SYNGR1: variants seen among roughly 807,000 people sequenced by gnomAD.
SYNGR1 encodes the protein synaptogyrin-1.
A neutral mutation model predicts 26.1 loss-of-function variants in SYNGR1; 14 were observed. That is an observed-to-expected ratio of 0.54 (90% CI 0.35 to 0.84). SYNGR1 has a LOEUF of 0.84. Ranked by LOEUF, SYNGR1 falls within the 40% of genes least tolerant of loss-of-function variation. The pLI, the probability that SYNGR1 is intolerant of heterozygous loss-of-function variation, is 0.01. For missense variants in SYNGR1, 319 were observed against 332.9 expected, an observed-to-expected ratio of 0.96 and a Z score of 0.33; for synonymous variants, 141 against 150.1, an observed-to-expected ratio of 0.94 and a Z score of 0.44.
At chr22:39,353,444 G>C (rs1924007116) in intron 1 of SYNGR1, among the ~76,000 whole-genome samples, 4 of 152,254 alleles carry the variant, frequency 2.6e-5, no homozygotes, top group Admixed American at 2.6e-4. Flanking sequence ...CTTGTGAGCA[G>C]CTGGGACGAT....
intron 1 of SYNGR1, among the ~76,000 whole-genome samples, chr22:39,358,975 C>T (rs1473118274): frequency 6.6e-6 from 1 of 152,240 alleles, no homozygotes; most frequent in Admixed American, 6.5e-5. Context: ...AGCTGTCAAA[C>T]CCAAGCTGCA....
intron 1 of SYNGR1, among the ~76,000 whole-genome samples, chr22:39,354,676 C>G (rs1185333812): frequency 2.6e-5 from 4 of 152,148 alleles, no homozygotes; most frequent in African/African-American, 9.7e-5. Flanking sequence ...CCCATCTCTA[C>G]TAAAATACAA....
Position 39,350,662 on chromosome 22 carries a change from G to C in SYNGR1, c.99+553G>C, listed in dbSNP as rs1277690318. ...AGTACCTCTCTTCCACCCGGGAACTGCCTCTCCTTCTCTGCGTGACCTTGG... is the reference window on the plus strand; with the variant it reads ...AGTACCTCTCTTCCACCCGGGAACTCCCTCTCCTTCTCTGCGTGACCTTGG... On this transcript the variant is annotated intron_variant, in intron 1 of 3. Transcript: ENST00000328933. This position sits in a 1 kb window ranked among gnomAD's most constrained non-coding sequence, Gnocchi z 4.3. Among the ~76,000 whole-genome samples the C allele has an allele frequency of 6.6e-6, 1 of 152,214 alleles. No homozygotes were observed. The highest frequency in any genetic ancestry group is 1.5e-5 in the Non-Finnish European group (1 of 68,028).
At chr22:39,369,669 G>A (rs1424331952) in intron 1 of SYNGR1, among the ~76,000 whole-genome samples, 2 of 152,222 alleles carry the variant, frequency 1.3e-5, no homozygotes, top group Non-Finnish European at 2.9e-5. Context: ...CTCTTTCTGA[G>A]CCTTAGTTTT....
chr22:39,369,315 CAG>C (rs1924912891), intron 1 of SYNGR1, among the ~76,000 whole-genome samples: 1 of 150,776 alleles, frequency 6.6e-6, no homozygotes. Context: ...TCCCAGTGTT[CAG>C]AGTCTGCCTT....
At chr22:39,381,506 G>A (rs918930740) in intron 3 of SYNGR1, among the ~76,000 whole-genome samples, 190 bp from the exon 4 acceptor site, 21 of 152,086 alleles carry the variant, frequency 1.4e-4, no homozygotes, top group African/African-American at 4.3e-4. Context: ...GGGCATTTCC[G>A]GGGGTGGCTG....
At chr22:39,367,000 C>G (rs1396978610) in intron 1 of SYNGR1, among the ~76,000 whole-genome samples, 1 of 152,198 alleles carries the variant, frequency 6.6e-6, no homozygotes, top group Non-Finnish European at 1.5e-5. Context: ...TTCTTTGCAC[C>G]CAAGGCCTTG....
At chr22:39,360,191 C>G (rs973391244) in intron 1 of SYNGR1, among the ~76,000 whole-genome samples, 2 of 152,186 alleles carry the variant, frequency 1.3e-5, no homozygotes, top group African/African-American at 2.4e-5. Context: ...GCCTGTTCCT[C>G]TCACCTACTC....
In SYNGR1 at chr22:39,350,204, C is replaced by A; in HGVS notation, c.99+95C>A. The A allele has an allele frequency of 1.2e-6, 1 of 838,552 alleles. No homozygotes were observed. The highest frequency in any genetic ancestry group is 1.5e-6 in the Non-Finnish European group (1 of 655,328). 51.9% of individuals were successfully genotyped at this position (838,552 alleles called of 1,614,324 possible). A position where few individuals can be genotyped will look rare whatever the true frequency, so the allele number is the denominator to read the frequency against. ...GGACCGACCCCGACCCCGACCCCAA[C>A]GGGCCCCCGGCGGCGGCGCGGCGGC... On this transcript the variant is annotated intron_variant, in intron 1 of 3. Coordinates refer to ENST00000328933, the MANE Select transcript of SYNGR1 (RefSeq NM_004711.5). The surrounding 1 kb of genome is among the most constrained non-coding windows in gnomAD (Gnocchi z 4.3).
At chr22:39,368,325 G>C (rs1924865263) in intron 1 of SYNGR1, among the ~76,000 whole-genome samples, 1 of 152,194 alleles carries the variant, frequency 6.6e-6, no homozygotes, top group Admixed American at 6.5e-5. Context: ...CACCCCACTG[G>C]TCCAAGTGGC....
chr22:39,371,344 C>T (rs747087934), intron 1 of SYNGR1, among the ~76,000 whole-genome samples: 5 of 151,832 alleles, frequency 3.3e-5, no homozygotes, highest in Non-Finnish European at 5.9e-5. Context: ...GATGTGGTGG[C>T]GCATGCCTGT....
At chr22:39,365,093 C>A (rs59420765) in intron 1 of SYNGR1, among the ~76,000 whole-genome samples, 3,088 of 152,292 alleles carry the variant, frequency 0.02, 101 homozygotes, top group African/African-American at 0.071. Flanking sequence ...CTCCATCCTC[C>A]CCTGTTTCTG....
In SYNGR1 at chr22:39,374,761, A is replaced by G. The variant is rs917834135; in HGVS notation, c.337+208A>G. 1.4e-5 allele frequency: 9 copies of G among 622,504 alleles called. No homozygotes were observed. The African/African-American group carries it at 1.5e-4, about 10-fold the overall frequency. The allele number at this position is 622,504 out of a possible 1,614,324, so 38.6% of individuals were successfully genotyped here. ...GACCCCAAAATAACCCATGCTGCCCACAGGCAGGGGAGCGTGGATGGGATT... is the reference window on the plus strand; with the variant it reads ...GACCCCAAAATAACCCATGCTGCCCGCAGGCAGGGGAGCGTGGATGGGATT... On this transcript the variant is annotated intron_variant, in intron 2 of 3. Coordinates refer to ENST00000328933, the MANE Select transcript of SYNGR1 (RefSeq NM_004711.5).
At chr22:39,354,363 G>A (rs1287340526) in intron 1 of SYNGR1, among the ~76,000 whole-genome samples, 2 of 152,168 alleles carry the variant, frequency 1.3e-5, no homozygotes, top group African/African-American at 2.4e-5. Flanking sequence ...TCAAGGCCTG[G>A]GCTTGTCAGA....
chr22:39,365,599 TGGA>T (rs1391277899), intron 1 of SYNGR1, among the ~76,000 whole-genome samples: 1 of 152,128 alleles, frequency 6.6e-6, no homozygotes. Context: ...AGCTGCTAAA[TGGA>T]GAAGTTAAAC....
At chr22:39,374,609 C>G (rs1311647282) in intron 2 of SYNGR1, 56 bp downstream of exon 2, 2 of 1,574,034 alleles carry the variant, frequency 1.3e-6, no homozygotes, top group Non-Finnish European at 1.7e-6. Flanking sequence ...GCTGTCCCGG[C>G]CATAGGAGGC....
chr22:39,357,009 G>A (rs1924174910), intron 1 of SYNGR1, among the ~76,000 whole-genome samples: 1 of 152,166 alleles, frequency 6.6e-6, no homozygotes, highest in South Asian at 2.1e-4. Context: ...TGTAATCCCA[G>A]CACTTTGGGA....
At chr22:39,368,872 C>G (rs1924892441) in intron 1 of SYNGR1, among the ~76,000 whole-genome samples, 1 of 152,220 alleles carries the variant, frequency 6.6e-6, no homozygotes, top group Non-Finnish European at 1.5e-5. Flanking sequence ...TTCCTCTTTT[C>G]TGGGGCCTTG....
At chr22:39,363,241 C>T (rs1924572660) in intron 1 of SYNGR1, among the ~76,000 whole-genome samples, 1 of 150,424 alleles carries the variant, frequency 6.6e-6, no homozygotes, top group African/African-American at 2.5e-5. Flanking sequence ...AGGTCTTTAC[C>T]TGGGCAGGGG....
Sources: allele counts gnomAD v4.1 joint callset (sites outside exome capture counted in the v4.1 genomes callset), GRCh38; gene constraint gnomAD v4.1.1; non-coding constraint Gnocchi (gnomAD v3.1); transcripts MANE v1.5; gene names NCBI Gene and HGNC (gene_info 2026-07-23, HGNC 2026-07-21).